Variants in FBXL13 observed in about 807,000 individuals in gnomAD.
FBXL13 encodes F-box and leucine-rich repeat protein 13.
A neutral mutation model predicts 83.6 loss-of-function variants in FBXL13; 67 were observed. The ratio of observed to expected loss-of-function variants is 0.80; its 90% CI spans 0.66 to 0.98. The LOEUF (loss-of-function observed/expected upper bound fraction) is 0.98. FBXL13 is among the 50% of genes least tolerant of loss of function. The probability of loss-of-function intolerance (pLI) is 0.00; values close to 1 mark genes in which losing one functional copy is unlikely to be tolerated. For missense variants in FBXL13, 822 were observed against 866.5 expected, an observed-to-expected ratio of 0.95 and a Z score of 0.64; for synonymous variants, 272 against 299.5, an observed-to-expected ratio of 0.91 and a Z score of 0.95.
Position 103,025,048 on chromosome 7 carries a change from T to C in FBXL13, c.495+15A>G, listed in dbSNP as rs758801713. 5.0e-6 allele frequency: 8 copies of C among 1,595,426 alleles called. No individual in the cohort carries two copies. The East Asian group carries it at 1.6e-4, about 31-fold the overall frequency. On this transcript the variant is annotated intron_variant, in intron 6 of 19. Transcript: ENST00000313221. ...GCAGATTATAGTATATAATGTATAC[T>C]GAATTCATACAAACCTGTAATATTG...
chr7:102,912,951 G>T lies in FBXL13; in HGVS notation c.1008+135C>A, dbSNP rs189572163. Reference sequence around the variant, plus strand: ...CCTGGGGAAAATTTCAGCAGCTGGGGCCATGTAATTTAAAACCTCTGAAAA... The same window carrying T: ...CCTGGGGAAAATTTCAGCAGCTGGGTCCATGTAATTTAAAACCTCTGAAAA... On this transcript the variant is annotated intron_variant, in intron 11 of 19. Transcript: ENST00000313221. The T allele has an allele frequency of 1.6e-4, 187 of 1,162,742 alleles. No homozygotes were observed. The African/African-American group carries it at 2.6e-3, about 16-fold the overall frequency. The allele number at this position is 1,162,742 out of a possible 1,614,324, so 72.0% of individuals were successfully genotyped here. A position where few individuals can be genotyped will look rare whatever the true frequency, so the allele number is the denominator to read the frequency against.
chr7:102,862,751 A>G (rs549361646), intron 16 of FBXL13, among the ~76,000 whole-genome samples: 1 of 152,338 alleles, frequency 6.6e-6, no homozygotes, highest in East Asian at 1.9e-4. Context: ...GACTCTGCTG[A>G]CCATCCCCTG....
intron 6 of FBXL13, among the ~76,000 whole-genome samples, chr7:102,986,916 G>GAC (rs1390219297): frequency 5.9e-5 from 2 of 33,636 alleles, no homozygotes; most frequent in African/African-American, 1.7e-4. Flanking sequence ...AAGAAAATGT[G>GAC]ATACACACAC....
chr7:102,975,469 C>G (rs986505799), intron 6 of FBXL13, among the ~76,000 whole-genome samples: 1 of 152,210 alleles, frequency 6.6e-6, no homozygotes, highest in African/African-American at 2.4e-5. Flanking sequence ...AGTCCCCAAC[C>G]AGGACCCCCA....
At chr7:103,058,513 T>C (rs989603232) in intron 1 of FBXL13, among the ~76,000 whole-genome samples, 1 of 152,222 alleles carries the variant, frequency 6.6e-6, no homozygotes, top group Admixed American at 6.5e-5. Context: ...CTCAATATCC[T>C]TGGTGAAAAG....
chr7:102,877,706 CT>C (rs1563030737), intron 15 of FBXL13, 113 bp from the exon 17 acceptor site: 6 of 1,076,290 alleles, frequency 5.6e-6, no homozygotes, highest in South Asian at 1.7e-5. Context: ...AAAGATTTTC[CT>C]TTACTCAACA....
At chr7:102,830,119 A>G (rs1800396609) in intron 18 of FBXL13, among the ~76,000 whole-genome samples, 1 of 152,142 alleles carries the variant, frequency 6.6e-6, no homozygotes, top group Admixed American at 6.5e-5. Context: ...TTTGTTTAAC[A>G]TCCCCCTTAG....
intron 6 of FBXL13, among the ~76,000 whole-genome samples, chr7:102,994,183 TCTA>T (rs1829858225): frequency 6.6e-6 from 1 of 152,134 alleles, no homozygotes; most frequent in Admixed American, 6.5e-5. Context: ...ATTATATAAA[TCTA>T]CTCTTATTAC....
intron 5 of FBXL13, among the ~76,000 whole-genome samples, chr7:103,026,123 G>T (rs1202533285): frequency 1.3e-5 from 2 of 151,846 alleles, no homozygotes; most frequent in African/African-American, 4.8e-5. Flanking sequence ...AATACTGCCT[G>T]CTCTCAGGGA....
chr7:102,814,952 G>T (rs1797788165), intron 19 of FBXL13, among the ~76,000 whole-genome samples: 1 of 152,040 alleles, frequency 6.6e-6, no homozygotes, highest in Admixed American at 6.6e-5. Context: ...TTCTCCTAAT[G>T]ATATTTCTCC....
intron 18 of FBXL13, among the ~76,000 whole-genome samples, chr7:102,825,462 C>T (rs747822528): frequency 6.6e-6 from 1 of 152,222 alleles, no homozygotes; most frequent in South Asian, 2.1e-4. Flanking sequence ...CCACCAAATG[C>T]TCCACCTTGA....
Position 103,057,679 on chromosome 7 carries a change from G to A in FBXL13, c.-104-1932C>T, listed in dbSNP as rs975832971. Among the ~76,000 whole-genome samples, 7 of 152,276 alleles carry A rather than the reference G, an allele frequency of 4.6e-5. No homozygotes were observed. In the East Asian group the frequency reaches 7.7e-4, roughly 17 times the overall value. ...TGTTTAAAGCACATATGTGGAACTC[G>A]TAAAGTTGCTGCTGTCTCATTTTCC... On this transcript the variant is annotated intron_variant, in intron 1 of 19. Coordinates refer to ENST00000313221, the Ensembl canonical transcript of FBXL13.
intron 16 of FBXL13, among the ~76,000 whole-genome samples, chr7:102,855,789 T>C (rs1434546923): frequency 2.0e-5 from 3 of 152,154 alleles, no homozygotes; most frequent in African/African-American, 7.2e-5. Flanking sequence ...AATACAACAT[T>C]TGGACCACAA....
intron 15 of FBXL13, 71 bp from the exon 17 acceptor site, chr7:102,877,664 A>G (rs779938393): frequency 1.1e-4 from 160 of 1,498,302 alleles, no homozygotes; most frequent in Non-Finnish European, 1.3e-4. Flanking sequence ...TTCATATAAA[A>G]ACTATCTTGG....
At chr7:102,866,130 T>G (rs1200922538) in intron 16 of FBXL13, among the ~76,000 whole-genome samples, 1 of 152,170 alleles carries the variant, frequency 6.6e-6, no homozygotes, top group Non-Finnish European at 1.5e-5. Flanking sequence ...TTGTGATGCT[T>G]ATAGAAGGAA....
intron 1 of FBXL13, among the ~76,000 whole-genome samples, chr7:103,060,061 T>TATATACAC (rs1563286669): frequency 2.5e-5 from 3 of 119,132 alleles, no homozygotes; most frequent in African/African-American, 9.4e-5. Flanking sequence ...TATATATATA[T>TATATACAC]ATACTTTTTT....
chr7:103,030,546 C>T (rs1481251322), intron 2 of FBXL13, among the ~76,000 whole-genome samples: 2 of 152,150 alleles, frequency 1.3e-5, no homozygotes, highest in Non-Finnish European at 2.9e-5. Context: ...TTTTTCAGTA[C>T]TGTTGTAGGT....
At chr7:102,897,828 T>TA (rs1812443368) in intron 11 of FBXL13, among the ~76,000 whole-genome samples, 1 of 152,152 alleles carries the variant, frequency 6.6e-6, no homozygotes, top group Non-Finnish European at 1.5e-5. Context: ...GAGTGAAACT[T>TA]AGTTACTGTG....
At chr7:103,012,929 A>C (rs923075505) in intron 6 of FBXL13, among the ~76,000 whole-genome samples, 3 of 152,230 alleles carry the variant, frequency 2.0e-5, no homozygotes, top group Non-Finnish European at 4.4e-5. Context: ...TCTAGGCTTA[A>C]AGTAAAGGGA....
Sources: gnomAD v4.1 joint callset for allele counts (sites outside exome capture counted in the v4.1 genomes callset) on GRCh38, gnomAD v4.1.1 for gene constraint, MANE v1.5 for transcripts, NCBI Gene and HGNC (gene_info 2026-07-23, HGNC 2026-07-21) for gene names.